Variants in ABCA4 observed in about 807,000 individuals in gnomAD.
The protein encoded by ABCA4 is ATP binding cassette subfamily A member 4.
In ABCA4, 196 loss-of-function variants were observed where a neutral mutation model predicts 263.7. The observed-to-expected ratio is 0.74, with a 90% CI of 0.66 to 0.84. The LOEUF (loss-of-function observed/expected upper bound fraction) is 0.84. Ranked by LOEUF, ABCA4 falls within the 40% of genes least tolerant of loss-of-function variation. The pLI, the probability that ABCA4 is intolerant of heterozygous loss-of-function variation, is 0.00. For missense variants in ABCA4, 2,792 were observed against 2,855.1 expected (o/e 0.98, Z 0.50); for synonymous variants, 1,133 against 1,094.2 (o/e 1.04, Z -0.70).
chr1:94,047,130 T>C, intron 18 of ABCA4, 37 bp from the exon 19 acceptor site: 1 of 1,610,298 alleles, frequency 6.2e-7, no homozygotes, highest in Non-Finnish European at 8.5e-7. Context: ...GTAAACATAA[T>C]GCCTAATTAC....
At chr1:94,044,369 G>T (rs965762008) in intron 20 of ABCA4, among the ~76,000 whole-genome samples, 1 of 152,200 alleles carries the variant, frequency 6.6e-6, no homozygotes, top group African/African-American at 2.4e-5. Context: ...TCAGAGCGAA[G>T]GCAGCCTCAC....
chr1:94,031,691 C>T, intron 27 of ABCA4, 87 bp downstream of exon 27: 1 of 1,559,256 alleles, frequency 6.4e-7, no homozygotes, highest in Non-Finnish European at 8.8e-7. Context: ...TGAGTTATAA[C>T]CCATGCCTGA....
At chr1:94,097,691 G>A (rs911313312) in intron 6 of ABCA4, among the ~76,000 whole-genome samples, 8 of 152,276 alleles carry the variant, frequency 5.3e-5, no homozygotes, top group South Asian at 2.1e-4. Context: ...GTGATTGGGG[G>A]TGGGGATTTA....
At chr1:94,033,525 TGTCG>T (rs1212501665) in intron 26 of ABCA4, among the ~76,000 whole-genome samples, 1 of 152,168 alleles carries the variant, frequency 6.6e-6, no homozygotes, top group Non-Finnish European at 1.5e-5. Context: ...CATTGCAAGT[TGTCG>T]GTTATGTTGA....
At chr1:94,044,790 C>G (rs748790489) in intron 19 of ABCA4, 46 bp from the exon 20 acceptor site, 4 of 1,614,114 alleles carry the variant, frequency 2.5e-6, no homozygotes, top group Non-Finnish European at 3.4e-6. Context: ...CCTTTAGCAA[C>G]ATGCCTTAGG....
At chr1:94,106,699 G>C (rs1036205578) in intron 4 of ABCA4, among the ~76,000 whole-genome samples, 2 of 152,200 alleles carry the variant, frequency 1.3e-5, no homozygotes, top group African/African-American at 2.4e-5. Flanking sequence ...CAATGAGAAC[G>C]TAATTCAGCA....
chr1:94,118,179 G>A (rs1253266491), intron 1 of ABCA4, among the ~76,000 whole-genome samples: 1 of 152,148 alleles, frequency 6.6e-6, no homozygotes, highest in Non-Finnish European at 1.5e-5. Context: ...GGATCACAGA[G>A]AGGCCTCTCT....
intron 7 of ABCA4, among the ~76,000 whole-genome samples, chr1:94,082,575 G>A (rs1366853778): frequency 3.9e-5 from 6 of 152,208 alleles, no homozygotes; most frequent in Non-Finnish European, 7.3e-5. Context: ...GTTGAGATGC[G>A]TTTTATAAAG....
At chr1:94,012,470 A>T (rs1659573559) in intron 38 of ABCA4, among the ~76,000 whole-genome samples, 1 of 152,182 alleles carries the variant, frequency 6.6e-6, no homozygotes. Flanking sequence ...TTAATTTTTT[A>T]AAAATCTGCC....
At chr1:94,108,325 C>G (rs546187058) in intron 4 of ABCA4, among the ~76,000 whole-genome samples, 2 of 152,298 alleles carry the variant, frequency 1.3e-5, no homozygotes, top group African/African-American at 4.8e-5. Context: ...TGCCATCTCT[C>G]TTAGCATTCT....
intron 36 of ABCA4, chr1:94,018,462 G>A: frequency 6.9e-6 from 3 of 435,862 alleles, no homozygotes; most frequent in Non-Finnish European, 1.4e-5. Flanking sequence ...ACAGAAGAGA[G>A]AGGAAATAAT....
At chr1:94,050,940 C>T (rs763545563) in intron 17 of ABCA4, among the ~76,000 whole-genome samples, 14 of 152,218 alleles carry the variant, frequency 9.2e-5, no homozygotes, top group Non-Finnish European at 1.3e-4. Flanking sequence ...GGGAGTCCCC[C>T]GCTTTCACCC....
At chr1:94,027,227 G>A (rs1660066324) in intron 30 of ABCA4, among the ~76,000 whole-genome samples, 1 of 152,186 alleles carries the variant, frequency 6.6e-6, no homozygotes, top group South Asian at 2.1e-4. Context: ...TAGGACTTTG[G>A]CTGTTACATT....
intron 40 of ABCA4, among the ~76,000 whole-genome samples, chr1:94,009,074 C>A (rs932364462): frequency 6.6e-6 from 1 of 152,096 alleles, no homozygotes; most frequent in Non-Finnish European, 1.5e-5. Context: ...CCAGAGTCAG[C>A]CTTGGGTTCC....
chr1:94,066,017 T>C (rs367612202), intron 11 of ABCA4, among the ~76,000 whole-genome samples: 35 of 152,370 alleles, frequency 2.3e-4, no homozygotes, highest in African/African-American at 8.2e-4. Flanking sequence ...TTAAATGAGA[T>C]GTAGGACTTA....
At chr1:94,072,528 T>C (rs1163543703) in intron 11 of ABCA4, among the ~76,000 whole-genome samples, 1 of 152,246 alleles carries the variant, frequency 6.6e-6, no homozygotes, top group African/African-American at 2.4e-5. Context: ...ATGCTTGTTT[T>C]AGCTGAAGGG....
At chr1:94,009,417 G>C (rs1659487160) in intron 40 of ABCA4, among the ~76,000 whole-genome samples, 1 of 152,072 alleles carries the variant, frequency 6.6e-6, no homozygotes, top group African/African-American at 2.4e-5. Flanking sequence ...TTCCCCATCA[G>C]CTGTAGGTTG....
At position 94,010,903 on chromosome 1, in the gene ABCA4, G is replaced by A. The variant is rs1659526754; in HGVS notation, c.5611C>T (p.His1871Tyr). The A allele has an allele frequency of 6.2e-6, 10 of 1,614,134 alleles. No individual in the cohort carries two copies. In the East Asian group the frequency reaches 2.0e-4, roughly 32 times the overall value. The change falls in exon 40 of 50, where the codon CAC becomes TAC. Residue 1871 changes from histidine to tyrosine, a missense_variant. By Grantham distance (83) the His-to-Tyr change is moderately conservative. Transcript: ENST00000370225. ...AGGTTCTTCCCAATCAGGTCCCAGT[G>A]GAACGGATTTGCAGAGTGCTCCTCA... The part of the protein sequence containing the change: ...FGEEHSANPF[H>Y]WDLIGKNLFA...
intron 27 of ABCA4, among the ~76,000 whole-genome samples, chr1:94,031,367 C>T (rs1195180684): frequency 6.6e-6 from 1 of 152,138 alleles, no homozygotes; most frequent in Non-Finnish European, 1.5e-5. Flanking sequence ...AGCCAGACTT[C>T]AAAGGGCATT....
Sources: gnomAD v4.1 joint callset for allele counts (sites outside exome capture counted in the v4.1 genomes callset) on GRCh38, gnomAD v4.1.1 for gene constraint, MANE v1.5 for transcripts, NCBI Gene and HGNC (gene_info 2026-07-23, HGNC 2026-07-21) for gene names.